Variants in POU6F2 observed in about 807,000 individuals in gnomAD.
The protein encoded by POU6F2 is POU domain, class 6, transcription factor 2.
Under a neutral mutation model 71.3 loss-of-function variants are expected in POU6F2, and 31 were observed. The ratio of observed to expected loss-of-function variants is 0.43; its 90% CI spans 0.33 to 0.59. POU6F2 has a LOEUF of 0.59. Ranked by LOEUF, POU6F2 falls within the 20% of genes least tolerant of loss-of-function variation. The pLI is 0.04. For missense variants in POU6F2, 783 were observed against 856.8 expected, an observed-to-expected ratio of 0.91 and a Z score of 1.07; for synonymous variants, 347 against 355.7, an observed-to-expected ratio of 0.98 and a Z score of 0.27.
At chr7:39,019,605 C>T (rs1789633856) in intron 1 of POU6F2, among the ~76,000 whole-genome samples, 1 of 151,382 alleles carries the variant, frequency 6.6e-6, no homozygotes, top group African/African-American at 2.4e-5. Context: ...GTTGGCCTTC[C>T]TGGATTGATT....
intron 1 of POU6F2, among the ~76,000 whole-genome samples, chr7:39,025,211 A>C (rs938238545): frequency 2.2e-4 from 34 of 152,216 alleles, no homozygotes; most frequent in African/African-American, 8.2e-4. Context: ...CAGAGATTCA[A>C]CTTCTTCCTG....
At chr7:39,407,267 T>C (rs1245864371) in intron 6 of POU6F2, among the ~76,000 whole-genome samples, 3 of 151,924 alleles carry the variant, frequency 2.0e-5, no homozygotes, top group East Asian at 1.9e-4. Context: ...ATGAAGCCAA[T>C]TGCAAGTCAG....
rs568805903 is a variant in POU6F2, at chr7:39,033,423, T to C, written c.106-52437T>C. 3.3e-5 allele frequency among the ~76,000 whole-genome samples: 5 copies of C among 152,330 alleles called. No homozygotes were observed. The South Asian group carries it at 1.0e-3, about 32-fold the overall frequency. ...ACATTGCTTAGCAAATATAAATGTA[T>C]GTGCATTGCCGAATGATCTGAGATT... On this transcript the variant is annotated intron_variant, in intron 1 of 9. Coordinates refer to ENST00000518318, the MANE Select transcript of POU6F2 (RefSeq NM_001370959.1).
intron 4 of POU6F2, among the ~76,000 whole-genome samples, chr7:39,242,162 C>T (rs566209608): frequency 6.6e-4 from 100 of 152,194 alleles, no homozygotes; most frequent in Admixed American, 1.2e-3. Flanking sequence ...GATAAACCCA[C>T]TGTAAACGTT....
In POU6F2 at chr7:39,269,219, C is replaced by T. The variant is rs538915927; in HGVS notation, c.598+61599C>T. Among the ~76,000 whole-genome samples, 3 of 152,234 alleles carry T rather than the reference C, an allele frequency of 2.0e-5. No individual in the cohort carries two copies. In the East Asian group the frequency reaches 5.8e-4, roughly 29 times the overall value. On this transcript the variant is annotated intron_variant, in intron 4 of 9. Transcript: ENST00000518318. ...GGTGTGGGTGTGATGTGGGTGAGAA[C>T]CACTGACCCCAGGGGAGAGAAGGAA...
chr7:39,200,840 T>G (rs897372392), intron 2 of POU6F2, among the ~76,000 whole-genome samples: 3 of 146,712 alleles, frequency 2.0e-5, no homozygotes, highest in Non-Finnish European at 4.5e-5. Context: ...TGAGATGATT[T>G]CTGTACCAAC....
chr7:39,399,873 AAAG>A (rs753730961), intron 5 of POU6F2, among the ~76,000 whole-genome samples: 49,402 of 126,624 alleles, frequency 0.39, 8,429 homozygotes, highest in East Asian at 0.65. Context: ...AAAAAAAAAG[AAAG>A]AAAGAAAGAA....
rs559875184 is a variant in POU6F2 at position 39,178,004 on chromosome 7, A to AT, written c.278-26230dup. ...GGCGTGGTGGATCACGCCTGTAATC[A>AT]TAGCACTTTGGGAGGCCGAGGTGGG... On this transcript the variant is annotated intron_variant, in intron 2 of 9. Transcript: ENST00000518318. Among the ~76,000 whole-genome samples the AT allele has an allele frequency of 5.2e-4, 79 of 152,234 alleles. 2 individuals carry two copies. The highest frequency in any genetic ancestry group is 5.6e-4 in the Non-Finnish European group (38 of 68,002).
intron 5 of POU6F2, among the ~76,000 whole-genome samples, chr7:39,399,272 A>G (rs1787244745): frequency 6.6e-6 from 1 of 152,120 alleles, no homozygotes; most frequent in African/African-American, 2.4e-5. Context: ...GGTGGAGAAC[A>G]TGTCAGTCTG....
chr7:39,068,797 C>A (rs1033206845), intron 1 of POU6F2, among the ~76,000 whole-genome samples: 1 of 152,126 alleles, frequency 6.6e-6, no homozygotes, highest in Non-Finnish European at 1.5e-5. Flanking sequence ...AACTTGATAA[C>A]TCTTCTTTTC....
rs1311078425 is a variant in POU6F2, at chr7:39,464,607, T to C, written c.2084T>C (p.Ile695Thr). ...AAGAGGCAAGCCCTGAAGAACACAA[T>C]TAAACGCTTAAAACAGCACGAGCCG... is the stretch of plus-strand genomic sequence containing the variant. ...CNKRQALKNT[I>T]KRLKQHEPAT... Residue 695 changes from isoleucine to threonine, a missense_variant, in exon 10 of 10, where the codon ATT (isoleucine) becomes ACT (threonine). Physicochemically the swap from Ile to Thr is moderately conservative, Grantham distance 89 (BLOSUM62 -1). This residue lies in a region of POU6F2 where 211 missense variants were observed against 283.9 expected (regional missense o/e 0.74). Transcript: ENST00000518318. The surrounding 1 kb of genome is among the most constrained non-coding windows in gnomAD (Gnocchi z 4.1). 6.2e-7 allele frequency: 1 copy of C among 1,610,694 alleles called. No individual in the cohort carries two copies. The highest frequency in any genetic ancestry group is 8.5e-7 in the Non-Finnish European group (1 of 1,178,540).
chr7:39,332,459 A>C (rs1785675259), intron 4 of POU6F2, among the ~76,000 whole-genome samples: 1 of 152,228 alleles, frequency 6.6e-6, no homozygotes, highest in Admixed American at 6.5e-5. Flanking sequence ...ACTTTGTAAG[A>C]AAAAGTATGT....
intron 4 of POU6F2, among the ~76,000 whole-genome samples, chr7:39,315,263 A>G (rs950387176): frequency 1.4e-4 from 22 of 152,116 alleles, no homozygotes; most frequent in African/African-American, 4.3e-4. Flanking sequence ...TACAGTGTTA[A>G]TTTTTCCAGG....
At chr7:38,990,790 A>G (rs575597607) in intron 1 of POU6F2, among the ~76,000 whole-genome samples, 1 of 152,266 alleles carries the variant, frequency 6.6e-6, no homozygotes, top group South Asian at 2.1e-4. Context: ...GTTCAAACAG[A>G]TAAGCTGAGC....
intron 7 of POU6F2, among the ~76,000 whole-genome samples, chr7:39,449,511 T>G (rs970523311): frequency 6.6e-6 from 1 of 152,196 alleles, no homozygotes; most frequent in Admixed American, 6.5e-5. Context: ...CATAAAATGG[T>G]ACAACCACTT....
rs181632108 is a variant in POU6F2 at position 39,030,994 on chromosome 7, G to A, written c.105+52936G>A. Reference sequence around the variant, plus strand: ...CGGCTCACCGCAACCTCCTCCTCCCGGGTTCAAGCGATTCTCCTGCCTCAG... The same window carrying A: ...CGGCTCACCGCAACCTCCTCCTCCCAGGTTCAAGCGATTCTCCTGCCTCAG... On this transcript the variant is annotated intron_variant, in intron 1 of 9. Coordinates refer to ENST00000518318, the MANE Select transcript of POU6F2 (RefSeq NM_001370959.1). 4.3e-4 allele frequency among the ~76,000 whole-genome samples: 65 copies of A among 151,922 alleles called. 1 individual carries two copies. The highest frequency in any genetic ancestry group is 1.5e-3 in the African/African-American group (62 of 41,406).
At chr7:39,035,874 C>A (rs1049811213) in intron 1 of POU6F2, among the ~76,000 whole-genome samples, 3 of 152,190 alleles carry the variant, frequency 2.0e-5, no homozygotes, top group Middle Eastern at 6.8e-3. Flanking sequence ...AGGCCAAGTT[C>A]ACACTGTCCG....
chr7:39,039,712 C>T (rs868319499), intron 1 of POU6F2, among the ~76,000 whole-genome samples: 13 of 149,924 alleles, frequency 8.7e-5, no homozygotes, highest in African/African-American at 2.9e-4. Flanking sequence ...ACATAATATC[C>T]GGGACTCTGG....
At chr7:39,349,398 C>T (rs562890437) in intron 5 of POU6F2, among the ~76,000 whole-genome samples, 14 of 152,242 alleles carry the variant, frequency 9.2e-5, no homozygotes, top group Admixed American at 2.6e-4. Context: ...ATGAGAATCA[C>T]GGCCAGGGTG....
Sources: allele counts gnomAD v4.1 joint callset (sites outside exome capture counted in the v4.1 genomes callset), GRCh38; gene constraint gnomAD v4.1.1; regional missense constraint gnomAD v4.1.1; non-coding constraint Gnocchi (gnomAD v3.1); transcripts MANE v1.5; gene names NCBI Gene and HGNC (gene_info 2026-07-23, HGNC 2026-07-21).